The following BCL2 variants were observed in gnomAD, a reference collection of about 807,000 sequenced individuals.
BCL2 encodes the protein BCL2 apoptosis regulator.
In BCL2, 1 loss-of-function variant was observed where a neutral mutation model predicts 14.2. The ratio of observed to expected loss-of-function variants is 0.07; its 90% CI spans 0.02 to 0.33. BCL2 has a LOEUF of 0.33. Ranked by LOEUF, BCL2 falls within the 10% of genes least tolerant of loss-of-function variation. The pLI is 0.99. For missense variants in BCL2, 247 were observed against 305.9 expected (o/e 0.81, Z 1.44); for synonymous variants, 151 against 137.2 (o/e 1.10, Z -0.70).
intron 2 of BCL2, among the ~76,000 whole-genome samples, chr18:63,194,751 C>T (rs1909396852): frequency 1.3e-5 from 2 of 152,192 alleles, no homozygotes; most frequent in Non-Finnish European, 2.9e-5. Flanking sequence ...TCCCACTAAA[C>T]TCTGTGATAT....
chr18:63,253,282 A>C (rs1911369378), intron 2 of BCL2, among the ~76,000 whole-genome samples: 1 of 152,200 alleles, frequency 6.6e-6, no homozygotes, highest in Non-Finnish European at 1.5e-5. Flanking sequence ...ATCCAGGCAG[A>C]CCATCTCCAG....
intron 2 of BCL2, among the ~76,000 whole-genome samples, chr18:63,267,335 G>GCAA (rs1013835956): frequency 4.6e-5 from 7 of 152,172 alleles, no homozygotes; most frequent in Admixed American, 2.6e-4. Context: ...GATTGTTGCA[G>GCAA]CAACTCAAGG....
intron 2 of BCL2, among the ~76,000 whole-genome samples, chr18:63,198,463 CACAG>C (rs1254484373): frequency 5.3e-5 from 8 of 150,942 alleles, no homozygotes; most frequent in Non-Finnish European, 1.0e-4. Context: ...CAGAGACACA[CACAG>C]ACACACACTG....
chr18:63,265,833 C>T (rs1911808663), intron 2 of BCL2, among the ~76,000 whole-genome samples: 1 of 152,038 alleles, frequency 6.6e-6, no homozygotes, highest in Non-Finnish European at 1.5e-5. Flanking sequence ...TTCATAAACA[C>T]ATTAAAAGAT....
intron 2 of BCL2, among the ~76,000 whole-genome samples, chr18:63,295,056 T>G (rs1912761967): frequency 6.6e-6 from 1 of 150,756 alleles, no homozygotes; most frequent in African/African-American, 2.4e-5. Context: ...TCCCAGCTAC[T>G]CAGGAGGCTG....
intron 2 of BCL2, among the ~76,000 whole-genome samples, chr18:63,188,415 T>C (rs1280060305): frequency 6.6e-6 from 1 of 152,154 alleles, no homozygotes; most frequent in Non-Finnish European, 1.5e-5. Flanking sequence ...TAGCACATCA[T>C]AGGGGTTCAA....
At chr18:63,253,141 A>G (rs1911364251) in intron 2 of BCL2, among the ~76,000 whole-genome samples, 1 of 152,242 alleles carries the variant, frequency 6.6e-6, no homozygotes, top group African/African-American at 2.4e-5. Context: ...TGTTCTAAGC[A>G]GTTAACTCAT....
intron 2 of BCL2, among the ~76,000 whole-genome samples, chr18:63,154,381 A>T (rs1914722378): frequency 6.6e-6 from 1 of 152,170 alleles, no homozygotes; most frequent in East Asian, 1.9e-4. Context: ...GAGTATTCCC[A>T]GGGTGTCTGC....
At chr18:63,270,475 T>C (rs1911974635) in intron 2 of BCL2, among the ~76,000 whole-genome samples, 2 of 152,190 alleles carry the variant, frequency 1.3e-5, no homozygotes, top group South Asian at 2.1e-4. Flanking sequence ...ACAGCATATA[T>C]GTTTGCCACC....
chr18:63,196,828 T>C (rs1248546214), intron 2 of BCL2, among the ~76,000 whole-genome samples: 1 of 152,332 alleles, frequency 6.6e-6, no homozygotes, highest in East Asian at 1.9e-4. Flanking sequence ...TTCCTGCACA[T>C]GGAAACATCA....
At position 63,318,487 on chromosome 18, in the gene BCL2, G is replaced by A. The variant is rs1025843412; in HGVS notation, c.180C>T (p.Ala60=). The change falls in exon 2 of 3, where the codon GCC becomes GCT. Residue 60 remains alanine, a synonymous_variant. Transcript: ENST00000333681. This position sits in a 1 kb window ranked among gnomAD's most constrained non-coding sequence, Gnocchi z 7.4. ...SSQPGHTPHP[A]ASRDPVARTS... is the part of the protein sequence containing the mutation. The stretch of plus-strand genomic sequence containing the variant: ...TCCTGGCGACCGGGTCCCGGGATGC[G>A]GCTGGATGGGGCGTGTGCCCGGGCT... 3.3e-6 allele frequency: 5 copies of A among 1,504,534 alleles called. No homozygotes were observed. Among genetic ancestry groups the A allele is most frequent in the Non-Finnish European group, 2.6e-6 (3 of 1,137,734 alleles). 93.2% of individuals were successfully genotyped at this position (1,504,534 alleles called of 1,614,324 possible).
At chr18:63,188,306 C>T (rs1462208605) in intron 2 of BCL2, among the ~76,000 whole-genome samples, 1 of 152,208 alleles carries the variant, frequency 6.6e-6, no homozygotes, top group Admixed American at 6.5e-5. Context: ...TACTTGCTGG[C>T]TGCATGGCTT....
chr18:63,289,991 T>G (rs1332467897), intron 2 of BCL2, among the ~76,000 whole-genome samples: 1 of 152,014 alleles, frequency 6.6e-6, no homozygotes, highest in Non-Finnish European at 1.5e-5. Flanking sequence ...TGAATTCCCC[T>G]AGGGAAGAGT....
intron 2 of BCL2, among the ~76,000 whole-genome samples, chr18:63,182,491 C>T (rs1915500183): frequency 6.6e-6 from 1 of 152,212 alleles, no homozygotes. Flanking sequence ...GCGTCCTTGG[C>T]TGGCCTCTGC....
chr18:63,287,308 G>A (rs1458972882), intron 2 of BCL2, among the ~76,000 whole-genome samples: 1 of 152,188 alleles, frequency 6.6e-6, no homozygotes, highest in East Asian at 1.9e-4. Context: ...ACTGAAGCTT[G>A]GAGAAACTAA....
chr18:63,189,969 A>G (rs1909243829), intron 2 of BCL2, among the ~76,000 whole-genome samples: 1 of 152,188 alleles, frequency 6.6e-6, no homozygotes, highest in Non-Finnish European at 1.5e-5. Flanking sequence ...GTATTCCCAG[A>G]TTAAATAGAA....
intron 2 of BCL2, among the ~76,000 whole-genome samples, chr18:63,253,844 AAAAGAAAG>A (rs534621274): frequency 6.6e-6 from 1 of 151,332 alleles, no homozygotes; most frequent in Non-Finnish European, 1.5e-5. Flanking sequence ...AGAAAAAAAA[AAAAGAAAG>A]AAAGAAAGAA....
chr18:63,137,889 G>T (rs1342055766), intron 2 of BCL2, among the ~76,000 whole-genome samples: 1 of 152,230 alleles, frequency 6.6e-6, no homozygotes, highest in African/African-American at 2.4e-5. Context: ...GTGCAGGGCA[G>T]GGGAGACGAC....
At chr18:63,253,708 G>T (rs1281085859) in intron 2 of BCL2, among the ~76,000 whole-genome samples, 1 of 152,056 alleles carries the variant, frequency 6.6e-6, no homozygotes, top group Non-Finnish European at 1.5e-5. Context: ...GGAGTTAAAA[G>T]ACTTGTCTGT....
Sources: allele counts gnomAD v4.1 joint callset (sites outside exome capture counted in the v4.1 genomes callset), GRCh38; gene constraint gnomAD v4.1.1; non-coding constraint Gnocchi (gnomAD v3.1); transcripts MANE v1.5; gene names NCBI Gene and HGNC (gene_info 2026-07-23, HGNC 2026-07-21).